FAF1: variants seen among roughly 807,000 people sequenced by gnomAD.
The protein encoded by FAF1 is Fas associated factor 1, also known as FAS-associated factor 1.
FAF1 carries 25 observed loss-of-function variants against 92.5 expected under a neutral mutation model. The observed-to-expected ratio is 0.27, with a 90% confidence interval of 0.20 to 0.38. The LOEUF (loss-of-function observed/expected upper bound fraction) is 0.38, where lower values mean the gene tolerates loss of function less well. Among genes scored for constraint, FAF1 ranks in the 10% least tolerant of loss-of-function variants. The probability of loss-of-function intolerance (pLI) is 1.00; values close to 1 mark genes in which losing one functional copy is unlikely to be tolerated. For synonymous variants in FAF1, 234 were observed against 273.2 expected (o/e 0.86, Z 1.42); for missense variants, 636 against 793.3 (o/e 0.80, Z 2.38).
intron 1 of FAF1, among the ~76,000 whole-genome samples, chr1:50,903,700 T>C (rs931323148): frequency 6.6e-6 from 1 of 152,200 alleles, no homozygotes; most frequent in African/African-American, 2.4e-5. Flanking sequence ...ATTAGTGATA[T>C]TGTAATATAC....
chr1:50,812,949 T>C (rs1172402858), intron 2 of FAF1, among the ~76,000 whole-genome samples: 1 of 152,148 alleles, frequency 6.6e-6, no homozygotes, highest in Non-Finnish European at 1.5e-5. Context: ...GAGGCCATTA[T>C]CCCAAACTAA....
intron 13 of FAF1, among the ~76,000 whole-genome samples, chr1:50,549,956 T>C (rs1649225094): frequency 6.6e-6 from 1 of 152,184 alleles, no homozygotes. Context: ...TGTTTCAGCA[T>C]CATTTATTTC....
chr1:50,541,579 C>CA (rs1557987692), intron 13 of FAF1, among the ~76,000 whole-genome samples: 4 of 151,992 alleles, frequency 2.6e-5, no homozygotes, highest in South Asian at 2.1e-4. Flanking sequence ...CAAAAGATGT[C>CA]AAAAAAATAG....
intron 7 of FAF1, among the ~76,000 whole-genome samples, chr1:50,671,302 G>A (rs574634941): frequency 6.6e-6 from 1 of 152,024 alleles, no homozygotes; most frequent in African/African-American, 2.4e-5. Context: ...TTACTCGGGA[G>A]TCTGAGGCAG....
rs573274332 is a variant in FAF1, at chr1:50,590,729, C to G, written c.840+5392G>C. 6.6e-5 allele frequency among the ~76,000 whole-genome samples: 10 copies of G among 151,952 alleles called. No individual in the cohort carries two copies. In the East Asian group the frequency reaches 1.9e-3, roughly 30 times the overall value. ...GGGCGCCGTGGCTCACGCCTGTAAT[C>G]CCAGCACTTTGGGAGGCTGAGGCGG... On this transcript the variant is annotated intron_variant, in intron 9 of 18. Transcript: ENST00000396153.
At chr1:50,466,341 C>G (rs573900105) in intron 18 of FAF1, among the ~76,000 whole-genome samples, 1 of 152,072 alleles carries the variant, frequency 6.6e-6, no homozygotes, top group African/African-American at 2.4e-5. Context: ...ATGGGAGGAG[C>G]AGGTTTTTAG....
chr1:50,475,516 T>C lies in FAF1; in HGVS notation c.1817A>G (p.Lys606Arg), dbSNP rs1315382530. 1.2e-6 allele frequency: 2 copies of C among 1,614,112 alleles called. No homozygotes were observed. Among genetic ancestry groups the C allele is most frequent in the Non-Finnish European group, 1.7e-6 (2 of 1,179,978 alleles). ...LQIVFDFVAS[K>R]GFPWDEYKLL... is the part of the protein sequence containing the mutation. ...CTTGTACTCATCCCATGGAAATCCT[T>C]TGGAAGCTACAAAATCAAAGACAAT... Residue 606 changes from lysine to arginine, a missense_variant, in exon 18 of 19, where the codon AAA becomes AGA. Lys to Arg is a conservative substitution (Grantham distance 26). Transcript: ENST00000396153.
rs907676440 is a variant in FAF1, at chr1:50,547,011, T to C, written c.1269-7283A>G. ...TCCAGTGATCCTCCTACCTCAGCCATTGGAGTAGCTGGGACTACAGGTAAG... is the reference window on the plus strand; with the variant it reads ...TCCAGTGATCCTCCTACCTCAGCCACTGGAGTAGCTGGGACTACAGGTAAG... On this transcript the variant is annotated intron_variant, in intron 13 of 18. Coordinates refer to ENST00000396153, the MANE Select transcript of FAF1 (RefSeq NM_007051.3). Among the ~76,000 whole-genome samples, 5 of 152,122 alleles carry C rather than the reference T, an allele frequency of 3.3e-5. No homozygotes were observed. In the South Asian group the frequency reaches 8.3e-4, roughly 25 times the overall value.
chr1:50,826,207 G>A (rs914230819), intron 2 of FAF1, among the ~76,000 whole-genome samples: 1 of 152,076 alleles, frequency 6.6e-6, no homozygotes, highest in Admixed American at 6.5e-5. Flanking sequence ...TTCTTGTGTG[G>A]AGAAAGCCAC....
chr1:50,641,251 T>C (rs1423004407), intron 8 of FAF1, among the ~76,000 whole-genome samples: 1 of 152,206 alleles, frequency 6.6e-6, no homozygotes, highest in Admixed American at 6.5e-5. Flanking sequence ...TTTAATTTGC[T>C]CTTCTTTTTC....
At chr1:50,895,276 C>T (rs1229118639) in intron 1 of FAF1, among the ~76,000 whole-genome samples, 1 of 152,104 alleles carries the variant, frequency 6.6e-6, no homozygotes, top group Admixed American at 6.6e-5. Context: ...CCAAATGTGG[C>T]AATTTCTAAA....
In FAF1 at chr1:50,889,200, C is replaced by A. The variant is rs562060315; in HGVS notation, c.46-31203G>T. ...ATGGTAGTTTGTATTTCTGTGGGAT[C>A]GGTGGTGATATCCCTTTTATCATTT... On this transcript the variant is annotated intron_variant, in intron 1 of 18. Coordinates refer to ENST00000396153, the MANE Select transcript of FAF1 (RefSeq NM_007051.3). Among the ~76,000 whole-genome samples the A allele has an allele frequency of 2.6e-3, 392 of 152,246 alleles. 2 individuals carry two copies. The highest frequency in any genetic ancestry group is 6.6e-3 in the Admixed American group (101 of 15,290).
chr1:50,759,697 T>C (rs1373755055), intron 4 of FAF1, among the ~76,000 whole-genome samples: 1 of 152,190 alleles, frequency 6.6e-6, no homozygotes, highest in East Asian at 1.9e-4. Context: ...AAATGGTATT[T>C]CTAGTTCTAG....
chr1:50,711,196 C>G (rs1557487778), intron 6 of FAF1, among the ~76,000 whole-genome samples: 2 of 152,104 alleles, frequency 1.3e-5, no homozygotes, highest in Non-Finnish European at 2.9e-5. Context: ...GCATGAGCCA[C>G]CGCACCCAGC....
chr1:50,502,873 G>A (rs1433797909), intron 15 of FAF1, among the ~76,000 whole-genome samples: 3 of 152,084 alleles, frequency 2.0e-5, no homozygotes, highest in South Asian at 2.1e-4. Flanking sequence ...AGGCTGCAGT[G>A]CAGTGGCATG....
chr1:50,532,711 T>C (rs1383961148), intron 15 of FAF1, among the ~76,000 whole-genome samples: 7 of 152,234 alleles, frequency 4.6e-5, no homozygotes, highest in Non-Finnish European at 5.9e-5. Context: ...CTAGTGAGCA[T>C]TAAAACTCTA....
At chr1:50,514,267 AC>A (rs1372254772) in intron 15 of FAF1, among the ~76,000 whole-genome samples, 1 of 152,070 alleles carries the variant, frequency 6.6e-6, no homozygotes, top group Non-Finnish European at 1.5e-5. Flanking sequence ...CTTTATTCTG[AC>A]CCCCAAGCAG....
chr1:50,563,416 C>A (rs1172490534), intron 13 of FAF1, among the ~76,000 whole-genome samples: 1 of 151,422 alleles, frequency 6.6e-6, no homozygotes, highest in African/African-American at 2.4e-5. Context: ...CATAACGAGA[C>A]CTTGTCTCTT....
At chr1:50,486,144 AG>A (rs1268139695) in intron 17 of FAF1, among the ~76,000 whole-genome samples, 1 of 152,220 alleles carries the variant, frequency 6.6e-6, no homozygotes, top group East Asian at 1.9e-4. Flanking sequence ...TTTCCCACTT[AG>A]TAGTCATTAA....
Sources: gnomAD v4.1 joint callset for allele counts (sites outside exome capture counted in the v4.1 genomes callset) on GRCh38, gnomAD v4.1.1 for gene constraint, MANE v1.5 for transcripts, NCBI Gene and HGNC (gene_info 2026-07-23, HGNC 2026-07-21) for gene names.